BTBD9: variants seen among roughly 807,000 people sequenced by gnomAD.
BTBD9 encodes BTB/POZ domain-containing protein 9.
BTBD9 carries 49 observed loss-of-function variants against 64.3 expected under a neutral mutation model. The observed-to-expected ratio is 0.76, with a 90% CI of 0.61 to 0.97. The LOEUF is 0.97. BTBD9 is among the 50% of genes least tolerant of loss of function. The pLI, the probability that BTBD9 is intolerant of heterozygous loss-of-function variation, is 0.00. For missense variants in BTBD9, 598 were observed against 762.1 expected (o/e 0.78, Z 2.53); for synonymous variants, 260 against 274.7 (o/e 0.95, Z 0.53).
intron 6 of BTBD9, among the ~76,000 whole-genome samples, chr6:38,442,210 G>A (rs147368175): frequency 3.2e-4 from 48 of 152,248 alleles, no homozygotes; most frequent in South Asian, 8.3e-4. Flanking sequence ...AGTCTGGGCC[G>A]GGTGCAGTGG....
chr6:38,591,143 T>C (rs1950398), intron 4 of BTBD9, among the ~76,000 whole-genome samples: 4,047 of 152,304 alleles, frequency 0.027, 85 homozygotes, highest in Middle Eastern at 0.041. Flanking sequence ...CCTCACTGCA[T>C]GTAAGGGAGA....
intron 6 of BTBD9, among the ~76,000 whole-genome samples, chr6:38,568,490 C>T (rs1423350685): frequency 2.6e-5 from 4 of 152,186 alleles, no homozygotes; most frequent in Non-Finnish European, 5.9e-5. Context: ...ACTTTTGTCT[C>T]TGTTCCTTGT....
chr6:38,527,014 G>A (rs767575974), intron 6 of BTBD9, among the ~76,000 whole-genome samples: 15 of 151,992 alleles, frequency 9.9e-5, no homozygotes, highest in Admixed American at 7.2e-4. Flanking sequence ...GGTGGCTCAC[G>A]CCTGTAATCT....
chr6:38,540,405 G>C lies in BTBD9; in HGVS notation c.1154+37195C>G, dbSNP rs925897700. On this transcript the variant is annotated intron_variant, in intron 6 of 10. Transcript: ENST00000481247. ...CATGAGCCATATTTTTGATAAATTG[G>C]TTTATGTTACAATAAACTTTATTGT... Among the ~76,000 whole-genome samples the C allele has an allele frequency of 2.0e-5, 3 of 152,210 alleles. No individual in the cohort carries two copies. The East Asian group carries it at 5.8e-4, about 29-fold the overall frequency.
At chr6:38,507,574 T>C (rs1772583807) in intron 6 of BTBD9, among the ~76,000 whole-genome samples, 1 of 152,232 alleles carries the variant, frequency 6.6e-6, no homozygotes, top group South Asian at 2.1e-4. Flanking sequence ...TACTGACCTC[T>C]CCGTGACATT....
chr6:38,603,840 T>A (rs187628836), intron 1 of BTBD9, among the ~76,000 whole-genome samples: 129 of 152,324 alleles, frequency 8.5e-4, no homozygotes, highest in African/African-American at 2.9e-3. Flanking sequence ...TTTACAAGCA[T>A]ATGGTTTAGC....
chr6:38,301,010 T>A (rs1397859063), intron 7 of BTBD9, among the ~76,000 whole-genome samples: 1 of 152,174 alleles, frequency 6.6e-6, no homozygotes, highest in Non-Finnish European at 1.5e-5. Context: ...CATAGATAGC[T>A]CTTATTATTT....
intron 9 of BTBD9, among the ~76,000 whole-genome samples, chr6:38,227,597 T>C (rs924021803): frequency 1.3e-5 from 2 of 151,996 alleles, no homozygotes; most frequent in East Asian, 3.8e-4. Flanking sequence ...GAGGAATAGG[T>C]TCAAGAGTGC....
At chr6:38,480,127 A>G (rs2127379256) in intron 6 of BTBD9, among the ~76,000 whole-genome samples, 1 of 152,342 alleles carries the variant, frequency 6.6e-6, no homozygotes, top group Middle Eastern at 3.4e-3. Context: ...CTGGAGAAGT[A>G]CTACTGGGAA....
chr6:38,562,261 C>G (rs1205668546), intron 6 of BTBD9, among the ~76,000 whole-genome samples: 1 of 152,140 alleles, frequency 6.6e-6, no homozygotes, highest in East Asian at 1.9e-4. Flanking sequence ...TGTCTTTCTC[C>G]TTCCCTCTTC....
intron 1 of BTBD9, among the ~76,000 whole-genome samples, chr6:38,601,372 T>C (rs192351985): frequency 7.7e-4 from 118 of 152,370 alleles, no homozygotes; most frequent in African/African-American, 2.7e-3. Context: ...ATGGGATAGT[T>C]TACCTACAAA....
intron 5 of BTBD9, among the ~76,000 whole-genome samples, chr6:38,577,931 A>G (rs974309036): frequency 6.6e-6 from 1 of 152,186 alleles, no homozygotes; most frequent in African/African-American, 2.4e-5. Context: ...TGCTTTCTCA[A>G]ATCATAAGCT....
intron 6 of BTBD9, among the ~76,000 whole-genome samples, chr6:38,472,110 T>C (rs1433814174): frequency 6.6e-6 from 1 of 152,178 alleles, no homozygotes; most frequent in African/African-American, 2.4e-5. Flanking sequence ...CCTGCAGGGA[T>C]TTCACTTTTC....
At chr6:38,229,978 A>C (rs1298295326) in intron 9 of BTBD9, among the ~76,000 whole-genome samples, 1 of 151,994 alleles carries the variant, frequency 6.6e-6, no homozygotes, top group African/African-American at 2.4e-5. Flanking sequence ...CACTAACAAG[A>C]CCTTTCTCTC....
intron 6 of BTBD9, among the ~76,000 whole-genome samples, chr6:38,439,692 G>A (rs1261936960): frequency 6.6e-6 from 1 of 152,158 alleles, no homozygotes; most frequent in Non-Finnish European, 1.5e-5. Context: ...CTCCCAAAGT[G>A]CTGAGATTAC....
chr6:38,405,620 A>G (rs185308217), intron 6 of BTBD9, among the ~76,000 whole-genome samples: 119 of 152,228 alleles, frequency 7.8e-4, no homozygotes, highest in African/African-American at 2.6e-3. Flanking sequence ...AAAACAAACA[A>G]TAACACCCAG....
chr6:38,188,820 A>C (rs1761930100), intron 10 of BTBD9, among the ~76,000 whole-genome samples: 1 of 152,164 alleles, frequency 6.6e-6, no homozygotes, highest in African/African-American at 2.4e-5. Flanking sequence ...AATGAGACTG[A>C]GCGCTCATGC....
chr6:38,311,555 T>C (rs934544005), intron 7 of BTBD9, among the ~76,000 whole-genome samples: 1 of 152,212 alleles, frequency 6.6e-6, no homozygotes, highest in African/African-American at 2.4e-5. Flanking sequence ...AGTGCAGATA[T>C]CGTTTCAATA....
chr6:38,233,174 T>G (rs1181195923), intron 9 of BTBD9, among the ~76,000 whole-genome samples: 1 of 152,180 alleles, frequency 6.6e-6, no homozygotes, highest in Non-Finnish European at 1.5e-5. Flanking sequence ...ATGGACAAAA[T>G]CTGTGTTGTA....
Sources: allele counts gnomAD v4.1 joint callset (sites outside exome capture counted in the v4.1 genomes callset), GRCh38; gene constraint gnomAD v4.1.1; transcripts MANE v1.5; gene names NCBI Gene and HGNC (gene_info 2026-07-23, HGNC 2026-07-21).